The following SHTN1 variants were observed in gnomAD, a reference collection of about 807,000 sequenced individuals.
SHTN1 encodes the protein shootin-1.
In SHTN1, 42 loss-of-function variants were observed where a neutral mutation model predicts 83.1. The ratio of observed to expected loss-of-function variants is 0.51; its 90% confidence interval spans 0.39 to 0.65. SHTN1 has a LOEUF of 0.65. Among genes scored for constraint, SHTN1 ranks in the 30% least tolerant of loss-of-function variants. SHTN1 has a pLI of 0.00. For missense variants in SHTN1, 622 were observed against 737.8 expected (o/e 0.84, Z 1.82); for synonymous variants, 224 against 247.7 (o/e 0.90, Z 0.90).
chr10:117,003,605 T>C (rs1851897500), intron 1 of SHTN1, among the ~76,000 whole-genome samples: 1 of 151,968 alleles, frequency 6.6e-6, no homozygotes, highest in South Asian at 2.1e-4. Context: ...GTAAGAGTAC[T>C]GGACAGGACC....
intron 15 of SHTN1, among the ~76,000 whole-genome samples, 199 bp from the exon 16 acceptor site, chr10:116,902,156 C>T (rs1484845353): frequency 2.6e-5 from 4 of 152,306 alleles, no homozygotes; most frequent in South Asian, 2.1e-4. Flanking sequence ...ACCAGGACCA[C>T]GCTGAGAAAT....
chr10:117,110,629 A>G (rs1853752515), intron 1 of SHTN1, among the ~76,000 whole-genome samples: 1 of 151,736 alleles, frequency 6.6e-6, no homozygotes, highest in Non-Finnish European at 1.5e-5. Flanking sequence ...CCAAAGTGCT[A>G]GGATTACAGG....
chr10:116,908,570 A>G (rs1040452726), intron 14 of SHTN1, among the ~76,000 whole-genome samples: 11 of 152,334 alleles, frequency 7.2e-5, no homozygotes, highest in Middle Eastern at 3.4e-3. Flanking sequence ...TGAAAAACAC[A>G]TGGTCATCAC....
rs937355179 is a variant in SHTN1 at position 116,882,208 on chromosome 10, C to T, written c.*4136G>A. ...TTTCCTACCCTTGATTCCTTTTTTC[C>T]TAATTCCCTCTCCTTTTTAAATTTT... On this transcript the variant is annotated 3_prime_UTR_variant, in exon 17 of 17. Transcript: ENST00000355371. The T allele has an allele frequency of 6.6e-6, 1 of 151,612 alleles. No homozygotes were observed. The highest frequency in any genetic ancestry group is 2.4e-5 in the African/African-American group (1 of 41,044). The allele number at this position is 151,612 out of a possible 1,614,324, so 9.4% of individuals were successfully genotyped here.
Position 116,884,424 on chromosome 10 carries a change from C to T in SHTN1, c.*1920G>A. On this transcript the variant is annotated 3_prime_UTR_variant, in exon 17 of 17. Transcript: ENST00000355371. Reference sequence around the variant, plus strand: ...GAGAAAGTAAGCAGCTTAAAAAAGGCAGGAATACTTTCAAAATACCTGTTA... The same window carrying T: ...GAGAAAGTAAGCAGCTTAAAAAAGGTAGGAATACTTTCAAAATACCTGTTA... 1 of 361,458 alleles carries T rather than the reference C, an allele frequency of 2.8e-6. No homozygotes were observed. The highest frequency in any genetic ancestry group is 2.0e-5 in the South Asian group (1 of 48,852). The allele number at this position is 361,458 out of a possible 1,614,324, so 22.4% of individuals were successfully genotyped here. A position where few individuals can be genotyped will look rare whatever the true frequency, so the allele number is the denominator to read the frequency against.
intron 1 of SHTN1, among the ~76,000 whole-genome samples, chr10:117,068,858 A>G (rs1898355): frequency 0.69 from 104,246 of 152,010 alleles, 38,063 homozygotes; most frequent in Middle Eastern, 0.84. Flanking sequence ...CTGAGTGATG[A>G]GTACACAGAC....
rs1207073809 is a variant in SHTN1, at chr10:116,979,154, A to G, written c.111+102T>C. 5.3e-6 allele frequency: 5 copies of G among 944,310 alleles called. No individual in the cohort carries two copies. The Admixed American group carries it at 6.3e-5, about 12-fold the overall frequency. 58.5% of individuals were successfully genotyped at this position (944,310 alleles called of 1,614,324 possible). A position where few individuals can be genotyped will look rare whatever the true frequency, so the allele number is the denominator to read the frequency against. On this transcript the variant is annotated intron_variant, in intron 2 of 16. Transcript: ENST00000355371. ...GGGAAGAAAAGAAAAGAAAAAAACA[A>G]CCCTCATTCACATTTAACTGAAATT...
intron 1 of SHTN1, among the ~76,000 whole-genome samples, chr10:117,126,102 A>G (rs1854001930): frequency 6.6e-6 from 1 of 152,152 alleles, no homozygotes; most frequent in Admixed American, 6.5e-5. Flanking sequence ...AGGTGCTGGC[A>G]GGGGCCTTTC....
intron 1 of SHTN1, among the ~76,000 whole-genome samples, chr10:116,996,455 T>C (rs1851630222): frequency 6.6e-6 from 1 of 152,160 alleles, no homozygotes; most frequent in South Asian, 2.1e-4. Flanking sequence ...CACAACAGCT[T>C]TTGTATCGAC....
At chr10:116,971,541 T>C (rs181917709) in intron 2 of SHTN1, among the ~76,000 whole-genome samples, 111 of 152,326 alleles carry the variant, frequency 7.3e-4, no homozygotes, top group African/African-American at 2.5e-3. Flanking sequence ...TCTCATTTTC[T>C]AGAATGGGCT....
chr10:117,030,846 A>G (rs1852405189), intron 2 of SHTN1, among the ~76,000 whole-genome samples: 1 of 152,098 alleles, frequency 6.6e-6, no homozygotes. Context: ...ACAATAAAAC[A>G]CATGTACAGA....
At chr10:117,109,180 A>C (rs997922011) in intron 1 of SHTN1, among the ~76,000 whole-genome samples, 6 of 152,286 alleles carry the variant, frequency 3.9e-5, no homozygotes, top group African/African-American at 1.4e-4. Flanking sequence ...CCACCCCTAG[A>C]ATTTCTGATA....
chr10:117,018,454 A>G (rs2133561955), intron 2 of SHTN1, among the ~76,000 whole-genome samples: 1 of 152,040 alleles, frequency 6.6e-6, no homozygotes, highest in South Asian at 2.1e-4. Flanking sequence ...ACAGCAAACT[A>G]GAAGTAGAAG....
In SHTN1 at chr10:116,927,460, A is replaced by G. The variant is rs557985733; in HGVS notation, c.1112+332T>C. On this transcript the variant is annotated intron_variant, in intron 11 of 16. Coordinates refer to ENST00000355371, the MANE Select transcript of SHTN1 (RefSeq NM_001127211.3). ...CGGAAGGCAAGGAGAAGCAAGTCACATCTTACATGGCAGCAGGGAAGAGAG... is the reference window on the plus strand; with the variant it reads ...CGGAAGGCAAGGAGAAGCAAGTCACGTCTTACATGGCAGCAGGGAAGAGAG... Among the ~76,000 whole-genome samples, 10 of 152,324 alleles carry G rather than the reference A, an allele frequency of 6.6e-5. No individual in the cohort carries two copies. The East Asian group carries it at 1.7e-3, about 26-fold the overall frequency.
intron 1 of SHTN1, among the ~76,000 whole-genome samples, chr10:117,004,778 G>A (rs962759281): frequency 6.6e-5 from 10 of 152,300 alleles, no homozygotes; most frequent in Middle Eastern, 3.4e-3. Flanking sequence ...CGCAACCAGC[G>A]GGCAGCGGGT....
chr10:117,084,898 C>A (rs1033111774), intron 1 of SHTN1, among the ~76,000 whole-genome samples: 8 of 152,022 alleles, frequency 5.3e-5, no homozygotes, highest in African/African-American at 1.9e-4. Flanking sequence ...CTTCGGCTCG[C>A]GCACGGTGCG....
intron 1 of SHTN1, among the ~76,000 whole-genome samples, chr10:117,108,581 T>A (rs1013988084): frequency 7.4e-6 from 1 of 134,996 alleles, no homozygotes; most frequent in East Asian, 2.7e-4. Flanking sequence ...GGGGGAGGGA[T>A]AGAATTAGGA....
chr10:116,901,951 G>C lies in SHTN1; in HGVS notation c.1487C>G (p.Thr496Ser). ...GGACTCTGAGGTGGCTAATATCCCA[G>C]TTGGACCTTAAAACCAAACACATAC... ...VTAEADSSSP[T>S]GILATSESKS... Residue 496 changes from threonine (T) to serine (S), a missense_variant, in exon 16 of 17, where the codon ACT (threonine) becomes AGT (serine). Thr to Ser is a moderately conservative substitution (Grantham distance 58). This residue lies in a region of SHTN1 where 231 missense variants were observed against 251.6 expected (regional missense o/e 0.92). Transcript: ENST00000355371. 6.3e-7 allele frequency: 1 copy of C among 1,595,748 alleles called. No homozygotes were observed. The highest frequency in any genetic ancestry group is 8.5e-7 in the Non-Finnish European group (1 of 1,173,404).
At chr10:116,941,969 G>C (rs1449814228) in intron 8 of SHTN1, among the ~76,000 whole-genome samples, 2 of 152,144 alleles carry the variant, frequency 1.3e-5, no homozygotes, top group South Asian at 2.1e-4. Context: ...ACATTACAAA[G>C]TCAAACAGGT....
Sources: allele counts gnomAD v4.1 joint callset (sites outside exome capture counted in the v4.1 genomes callset), GRCh38; gene constraint gnomAD v4.1.1; regional missense constraint gnomAD v4.1.1; transcripts MANE v1.5; gene names NCBI Gene and HGNC (gene_info 2026-07-23, HGNC 2026-07-21).